LUZP2: variants seen among roughly 807,000 people sequenced by gnomAD.
LUZP2 encodes leucine zipper protein 2.
LUZP2 carries 52 observed loss-of-function variants against 51.6 expected under a neutral mutation model. The observed-to-expected ratio is 1.01, with a 90% confidence interval of 0.81 to 1.27. The LOEUF (loss-of-function observed/expected upper bound fraction) is 1.27, where lower values mean the gene tolerates loss of function less well. Among genes scored for constraint, LUZP2 ranks in the 50% most tolerant of loss-of-function variants. The pLI is 0.00. For synonymous variants in LUZP2, 154 were observed against 137.3 expected (o/e 1.12, Z -0.85); for missense variants, 436 against 395.4 (o/e 1.10, Z -0.87).
At chr11:24,603,791 A>T (rs1444696116) in intron 1 of LUZP2, among the ~76,000 whole-genome samples, 2 of 151,782 alleles carry the variant, frequency 1.3e-5, no homozygotes, top group African/African-American at 4.8e-5. Flanking sequence ...TGTCCAGCTT[A>T]CATGATTTGT....
intron 8 of LUZP2, among the ~76,000 whole-genome samples, chr11:24,980,323 T>TCC (rs1855992201): frequency 6.6e-6 from 1 of 151,468 alleles, no homozygotes; most frequent in African/African-American, 2.4e-5. Context: ...ACCAAAAAAA[T>TCC]CTACCTCCTA....
chr11:24,521,156 G>A (rs996760099), intron 1 of LUZP2, among the ~76,000 whole-genome samples: 2 of 152,122 alleles, frequency 1.3e-5, no homozygotes, highest in Non-Finnish European at 2.9e-5. Flanking sequence ...TTTGGGACCA[G>A]CTTAGCCAAC....
At chr11:24,799,965 T>A (rs1849651257) in intron 5 of LUZP2, among the ~76,000 whole-genome samples, 3 of 152,188 alleles carry the variant, frequency 2.0e-5, no homozygotes, top group Admixed American at 6.5e-5. Context: ...AAGTGCTTAA[T>A]TCTTTTAGCT....
intron 7 of LUZP2, among the ~76,000 whole-genome samples, chr11:24,926,491 A>ATG (rs1345153309): frequency 5.2e-5 from 5 of 95,792 alleles, no homozygotes; most frequent in Non-Finnish European, 8.4e-5. Context: ...GTGTATATAT[A>ATG]TGTGTATATA....
intron 9 of LUZP2, among the ~76,000 whole-genome samples, chr11:25,035,192 C>T (rs11028371): frequency 0.078 from 11,824 of 151,928 alleles, 1,486 homozygotes; most frequent in African/African-American, 0.26. Context: ...TCAGAGCAAT[C>T]GGGCAAGAGG....
intron 6 of LUZP2, among the ~76,000 whole-genome samples, chr11:24,911,470 C>G (rs184590495): frequency 1.1e-4 from 17 of 152,238 alleles, no homozygotes; most frequent in African/African-American, 3.9e-4. Flanking sequence ...TTCTCCCATG[C>G]TGTTCACTTG....
rs190480424 is a variant in LUZP2, at chr11:25,053,607, C to T, written c.858+3477C>T. ...ACACTAAGCCTCAGGCAACCAAAAA[C>T]ATGGTTTCTTTTTGTATTTGTTTGT... On this transcript the variant is annotated intron_variant, in intron 10 of 11. Transcript: ENST00000336930. Among the ~76,000 whole-genome samples, 643 of 149,758 alleles carry T rather than the reference C, an allele frequency of 4.3e-3. 2 individuals carry two copies. The highest frequency in any genetic ancestry group is 0.01 in the Middle Eastern group (3 of 288).
chr11:24,568,290 G>A (rs186574645), intron 1 of LUZP2, among the ~76,000 whole-genome samples: 221 of 149,604 alleles, frequency 1.5e-3, no homozygotes, highest in African/African-American at 5.2e-3. Context: ...AACCCAGGAG[G>A]CAAAGGTTGC....
intron 1 of LUZP2, among the ~76,000 whole-genome samples, chr11:24,689,669 C>G (rs537915259): frequency 3.0e-4 from 45 of 152,272 alleles, no homozygotes; most frequent in Middle Eastern, 3.4e-3. Context: ...CTGCTACCTA[C>G]TTTAACAGAC....
At chr11:24,911,098 T>C (rs1393829194) in intron 6 of LUZP2, among the ~76,000 whole-genome samples, 1 of 152,174 alleles carries the variant, frequency 6.6e-6, no homozygotes, top group Non-Finnish European at 1.5e-5. Context: ...CTGTGGCCCC[T>C]TTGTTTTGGC....
At chr11:24,632,394 A>G (rs1471438781) in intron 1 of LUZP2, among the ~76,000 whole-genome samples, 2 of 152,066 alleles carry the variant, frequency 1.3e-5, no homozygotes, top group Non-Finnish European at 2.9e-5. Flanking sequence ...AAAATTGAAC[A>G]GAAGTCTAAT....
intron 1 of LUZP2, among the ~76,000 whole-genome samples, chr11:24,510,871 T>C (rs1850289126): frequency 1.3e-5 from 2 of 152,314 alleles, no homozygotes; most frequent in African/African-American, 4.8e-5. Flanking sequence ...AAGTTAGCCA[T>C]GTCAGTAATG....
intron 1 of LUZP2, among the ~76,000 whole-genome samples, chr11:24,591,516 T>C (rs1170346680): frequency 1.3e-5 from 2 of 152,196 alleles, no homozygotes; most frequent in Non-Finnish European, 2.9e-5. Context: ...AATACAAATA[T>C]GTTGTGGTAG....
At chr11:24,846,350 A>G (rs1319195326) in intron 5 of LUZP2, among the ~76,000 whole-genome samples, 1 of 152,078 alleles carries the variant, frequency 6.6e-6, no homozygotes, top group East Asian at 1.9e-4. Flanking sequence ...AAAGAAGAAA[A>G]TAAGAAACAG....
chr11:24,856,274 A>G (rs1173919447), intron 5 of LUZP2, among the ~76,000 whole-genome samples: 1 of 149,900 alleles, frequency 6.7e-6, no homozygotes, highest in African/African-American at 2.5e-5. Context: ...AAGGCAGCAA[A>G]TGATATGAAC....
intron 5 of LUZP2, among the ~76,000 whole-genome samples, chr11:24,808,589 T>C (rs1849921533): frequency 6.6e-6 from 1 of 152,186 alleles, no homozygotes; most frequent in African/African-American, 2.4e-5. Context: ...TATTTAAATT[T>C]CTTATATAAA....
intron 1 of LUZP2, among the ~76,000 whole-genome samples, chr11:24,513,894 G>A (rs1219443194): frequency 6.6e-6 from 1 of 152,186 alleles, no homozygotes; most frequent in Non-Finnish European, 1.5e-5. Flanking sequence ...GAAAATAAGA[G>A]TTGCCAAACA....
chr11:24,974,630 G>T (rs1465604136), intron 7 of LUZP2, among the ~76,000 whole-genome samples: 2 of 151,878 alleles, frequency 1.3e-5, no homozygotes, highest in Non-Finnish European at 2.9e-5. Context: ...CTCTGAATTT[G>T]GGTTTCTGTT....
At chr11:24,848,632 C>G (rs979812570) in intron 5 of LUZP2, among the ~76,000 whole-genome samples, 1 of 152,130 alleles carries the variant, frequency 6.6e-6, no homozygotes, top group East Asian at 1.9e-4. Flanking sequence ...TCTTTGTCCT[C>G]TGCCTTCTTG....
Sources: gnomAD v4.1 joint callset for allele counts (sites outside exome capture counted in the v4.1 genomes callset) on GRCh38, gnomAD v4.1.1 for gene constraint, MANE v1.5 for transcripts, NCBI Gene and HGNC (gene_info 2026-07-23, HGNC 2026-07-21) for gene names.